WDFY3: variants seen among roughly 807,000 people sequenced by gnomAD.
WDFY3 encodes the protein WD repeat and FYVE domain-containing protein 3.
In WDFY3, 66 loss-of-function variants were observed where a neutral mutation model predicts 409.6. The ratio of observed to expected loss-of-function variants is 0.16; its 90% CI spans 0.13 to 0.20. The LOEUF (loss-of-function observed/expected upper bound fraction) is 0.20. WDFY3 is among the 10% of genes least tolerant of loss of function. The probability of loss-of-function intolerance (pLI) is 1.00; values close to 1 mark genes in which losing one functional copy is unlikely to be tolerated. For synonymous variants in WDFY3, 1,521 were observed against 1,537.1 expected (o/e 0.99, Z 0.25); for missense variants, 3,031 against 4,298.1 (o/e 0.71, Z 8.24).
chr4:84,736,140 C>A lies in WDFY3; in HGVS notation c.6915+30G>T, dbSNP rs566363738. 5.7e-6 allele frequency: 9 copies of A among 1,592,706 alleles called. No individual in the cohort carries two copies. In the African/African-American group the frequency reaches 1.2e-4, roughly 22 times the overall value. ...AAGTATATTATACAAAATACTACAA[C>A]TAATATCAGCAATGAAACTAAAAAA... is the stretch of plus-strand genomic sequence containing the variant. On this transcript the variant is annotated intron_variant, in intron 42 of 67. Coordinates refer to ENST00000295888, the MANE Select transcript of WDFY3 (RefSeq NM_014991.6).
chr4:84,678,177 C>T lies in WDFY3; in HGVS notation c.10250G>A (p.Gly3417Asp). 1 of 1,613,404 alleles carries T rather than the reference C, an allele frequency of 6.2e-7. No homozygotes were observed. The highest frequency in any genetic ancestry group is 8.5e-7 in the Non-Finnish European group (1 of 1,179,478). ...AAAGCCTGACACTTACTTGGAGATG[C>T]CCAAGGCAGTGACCTCAGCTGGGTG... is the stretch of plus-strand genomic sequence containing the variant. The part of the protein sequence containing the change: ...NAHPAEVTAL[G>D]ISKDHSRILV... The change falls in exon 66 of 68, where the codon GGC becomes GAC. Residue 3417 changes from glycine to aspartate, a missense_variant. Physicochemically the swap from Gly to Asp is moderately conservative, Grantham distance 94. Transcript: ENST00000295888.
At chr4:84,710,360 T>C (rs1732678461) in intron 51 of WDFY3, among the ~76,000 whole-genome samples, 1 of 152,178 alleles carries the variant, frequency 6.6e-6, no homozygotes, top group African/African-American at 2.4e-5. Context: ...TCATTTAAAA[T>C]TTAAACATTA....
intron 27 of WDFY3, among the ~76,000 whole-genome samples, chr4:84,778,295 C>G (rs1338164823): frequency 1.3e-5 from 2 of 152,224 alleles, no homozygotes; most frequent in East Asian, 1.9e-4. Context: ...TACCATTTCA[C>G]TTCTAAAATA....
In WDFY3 at chr4:84,695,683, T is replaced by G. The variant is rs1459250374; in HGVS notation, c.8901+287A>C. ...GCCTCCAGACAAAACCTTGTCTCTG[T>G]GTATGTGGCCTATAAGGCCCCTCCT... On this transcript the variant is annotated intron_variant, in intron 58 of 67. Transcript: ENST00000295888. Among the ~76,000 whole-genome samples the G allele has an allele frequency of 1.2e-4, 18 of 152,292 alleles. 1 individual carries two copies. In the East Asian group the frequency reaches 3.5e-3, roughly 29 times the overall value.
Position 84,743,817 on chromosome 4 carries a change from G to T in WDFY3, c.5974-18C>A, listed in dbSNP as rs2149246535. 6.5e-7 allele frequency: 1 copy of T among 1,550,060 alleles called. No individual in the cohort carries two copies. Among genetic ancestry groups the T allele is most frequent in the South Asian group, 1.2e-5 (1 of 80,076 alleles). ...GGGGAAGCCTAATCAAGAAAATTTA[G>T]AATTAGAAACAGAACCAACTAAAAC... On this transcript the variant is annotated intron_variant, in intron 36 of 67. Transcript: ENST00000295888.
At position 84,684,006 on chromosome 4, in the gene WDFY3, C is replaced by T. The variant is rs79220654; in HGVS notation, c.9663G>A (p.Ser3221=). 1,077 of 1,613,528 alleles carry T rather than the reference C, an allele frequency of 6.7e-4. 5 individuals carry two copies. The African/African-American group carries it at 0.012, about 17-fold the overall frequency. ...RSQQIICCCM[S]EMNEWDTQNV... ...TCTGCGTGTCCCATTCGTTCATCTC[C>T]GACATGCAGCAGCAGATGATCTGCT... Residue 3221 remains serine (S), a synonymous_variant, in exon 63 of 68, where the codon TCG becomes TCA. Transcript: ENST00000295888.
At chr4:84,793,035 G>A (rs1169497706) in intron 21 of WDFY3, among the ~76,000 whole-genome samples, 1 of 152,166 alleles carries the variant, frequency 6.6e-6, no homozygotes, top group Non-Finnish European at 1.5e-5. Flanking sequence ...AGGGAGGAAG[G>A]GAAGATTTGA....
In WDFY3 at chr4:84,740,288, C is replaced by T; in HGVS notation, c.6363G>A (p.Arg2121=). 1.2e-6 allele frequency: 2 copies of T among 1,613,880 alleles called. No individual in the cohort carries two copies. The highest frequency in any genetic ancestry group is 1.1e-5 in the South Asian group (1 of 91,070). Residue 2121 remains arginine, a synonymous_variant, in exon 39 of 68, where the codon AGG becomes AGA. Transcript: ENST00000295888. ...TCAAGTTTCTGTTTACAGTGAGGACCCTGAGTGAATCAAGCAGAGCTACTT... is the reference window on the plus strand; with the variant it reads ...TCAAGTTTCTGTTTACAGTGAGGACTCTGAGTGAATCAAGCAGAGCTACTT... ...PQQVALLDSL[R]VLTVNRNLIL...
chr4:84,796,583 T>C lies in WDFY3; in HGVS notation c.3105A>G (p.Arg1035=), dbSNP rs1343607356. ...CTGGAGTAACTGATGACCCATGAAG[T>C]CTGATGTCATGTGGGGTTGTCATGG... ...LVSMTTPHDI[R]LHGSSVTPAF... Residue 1035 remains arginine (R), a synonymous_variant, in exon 19 of 68, where the codon AGA becomes AGG. Coordinates refer to ENST00000295888, the MANE Select transcript of WDFY3 (RefSeq NM_014991.6). 2 of 1,613,726 alleles carry C rather than the reference T, an allele frequency of 1.2e-6. No individual in the cohort carries two copies. Among genetic ancestry groups the C allele is most frequent in the Non-Finnish European group, 1.7e-6 (2 of 1,179,858 alleles).
intron 17 of WDFY3, among the ~76,000 whole-genome samples, chr4:84,799,295 T>A (rs1302074588): frequency 6.6e-6 from 1 of 151,592 alleles, no homozygotes; most frequent in Non-Finnish European, 1.5e-5. Context: ...TAACAAGGAC[T>A]ACAGGCACAC....
intron 3 of WDFY3, among the ~76,000 whole-genome samples, chr4:84,861,600 A>T (rs1351291030): frequency 6.6e-6 from 1 of 152,222 alleles, no homozygotes; most frequent in East Asian, 1.9e-4. Context: ...GATAATGATG[A>T]GCATTTTTCA....
chr4:84,801,166 G>A (rs1232880891), intron 17 of WDFY3, among the ~76,000 whole-genome samples: 1 of 152,128 alleles, frequency 6.6e-6, no homozygotes, highest in Non-Finnish European at 1.5e-5. Context: ...AATTGTATGT[G>A]CACATGAATA....
chr4:84,808,530 C>T (rs1291951440), intron 14 of WDFY3, 113 bp from the exon 15 acceptor site: 3 of 772,876 alleles, frequency 3.9e-6, no homozygotes, highest in Non-Finnish European at 4.4e-6. Flanking sequence ...TAAGGAACAT[C>T]TTCCATATTC....
intron 2 of WDFY3, among the ~76,000 whole-genome samples, chr4:84,919,121 C>T (rs1404873959): frequency 2.6e-5 from 4 of 151,912 alleles, no homozygotes; most frequent in Non-Finnish European, 4.4e-5. Flanking sequence ...ATACAAGAGC[C>T]AGCATGAAGA....
intron 24 of WDFY3, among the ~76,000 whole-genome samples, chr4:84,784,891 TACACACAC>T (rs1215135327): frequency 2.7e-5 from 1 of 36,930 alleles, no homozygotes. Flanking sequence ...TATATATATA[TACACACAC>T]ACACACACAC....
At chr4:84,760,168 T>C (rs2149352598) in intron 32 of WDFY3, among the ~76,000 whole-genome samples, 1 of 152,128 alleles carries the variant, frequency 6.6e-6, no homozygotes, top group East Asian at 1.9e-4. Context: ...CTGATCATGG[T>C]GGATAAGCTT....
At chr4:84,750,478 A>T (rs971585572) in intron 36 of WDFY3, among the ~76,000 whole-genome samples, 1 of 152,210 alleles carries the variant, frequency 6.6e-6, no homozygotes, top group Non-Finnish European at 1.5e-5. Flanking sequence ...ACAAAAAAAA[A>T]AAATCTCAGG....
intron 25 of WDFY3, among the ~76,000 whole-genome samples, chr4:84,781,004 T>G (rs1405461650): frequency 6.6e-6 from 1 of 152,096 alleles, no homozygotes; most frequent in Non-Finnish European, 1.5e-5. Flanking sequence ...GGGAATAACC[T>G]TGGGGACAAT....
At chr4:84,814,879 T>TG (rs1296434381) in intron 13 of WDFY3, among the ~76,000 whole-genome samples, 4 of 152,156 alleles carry the variant, frequency 2.6e-5, no homozygotes, top group East Asian at 1.9e-4. Context: ...CAGGCATTTC[T>TG]GGGGGGTCTT....
Sources: gnomAD v4.1 joint callset for allele counts (sites outside exome capture counted in the v4.1 genomes callset) on GRCh38, gnomAD v4.1.1 for gene constraint, MANE v1.5 for transcripts, NCBI Gene and HGNC (gene_info 2026-07-23, HGNC 2026-07-21) for gene names.